ZNF804A: variants seen among roughly 807,000 people sequenced by gnomAD.
ZNF804A encodes the protein zinc finger protein 804A.
Under a neutral mutation model 16.5 loss-of-function variants are expected in ZNF804A, and 2 were observed. That is an observed-to-expected ratio of 0.12 (90% CI 0.05 to 0.38). The LOEUF is 0.38. ZNF804A is among the 10% of genes least tolerant of loss of function. The pLI is 0.99. For synonymous variants in ZNF804A, 534 were observed against 489.6 expected (o/e 1.09, Z -1.20); for missense variants, 1,473 against 1,390.7 (o/e 1.06, Z -0.94).
rs1408864620 is a variant in ZNF804A, at chr2:184,598,857, G to C, written c.-103G>C. ...GTGCCGGGGGTGGCTGCGTGCCCTC[G>C]TGGCGGGTTCCCAGCCCACCGTCGC... On this transcript the variant is annotated 5_prime_UTR_variant, in exon 1 of 4. Coordinates refer to ENST00000302277, the MANE Select transcript of ZNF804A (RefSeq NM_194250.2). 3 of 598,528 alleles carry C rather than the reference G, an allele frequency of 5.0e-6. No homozygotes were observed. In the African/African-American group the frequency reaches 6.0e-5, roughly 12 times the overall value. 37.1% of individuals were successfully genotyped at this position (598,528 alleles called of 1,614,324 possible).
chr2:184,829,941 A>AAAAAAAAAAAAAAAAAAAAAAC (rs1558975002), intron 1 of ZNF804A, among the ~76,000 whole-genome samples: 1 of 146,082 alleles, frequency 6.8e-6, no homozygotes. Flanking sequence ...AAAAAAAAAA[A>AAAAAAAAAAAAAAAAAAAAAAC]ACCACACACA....
intron 1 of ZNF804A, among the ~76,000 whole-genome samples, chr2:184,652,328 T>C (rs1691999610): frequency 6.6e-6 from 1 of 152,128 alleles, no homozygotes; most frequent in Non-Finnish European, 1.5e-5. Flanking sequence ...AAGCTACCTA[T>C]TGGGTACTAT....
At chr2:184,726,406 T>C (rs949752301) in intron 1 of ZNF804A, among the ~76,000 whole-genome samples, 3 of 151,580 alleles carry the variant, frequency 2.0e-5, no homozygotes, top group African/African-American at 4.8e-5. Flanking sequence ...TCTGAATAGG[T>C]AAAAATACCT....
chr2:184,872,240 A>G (rs1695985944), intron 2 of ZNF804A, among the ~76,000 whole-genome samples: 1 of 152,172 alleles, frequency 6.6e-6, no homozygotes, highest in Non-Finnish European at 1.5e-5. Flanking sequence ...ATGAAGAAAC[A>G]TCAGTCTTTG....
chr2:184,737,009 T>A (rs1476586444), intron 1 of ZNF804A, among the ~76,000 whole-genome samples: 1 of 151,980 alleles, frequency 6.6e-6, no homozygotes, highest in Non-Finnish European at 1.5e-5. Context: ...GTAGATGTTG[T>A]TACTTATATC....
chr2:184,891,529 A>C (rs773382477), intron 2 of ZNF804A, among the ~76,000 whole-genome samples: 2 of 152,082 alleles, frequency 1.3e-5, no homozygotes, highest in African/African-American at 4.8e-5. Flanking sequence ...AAAACTCAAC[A>C]TGTCTATTTG....
intron 1 of ZNF804A, among the ~76,000 whole-genome samples, chr2:184,805,705 A>G (rs907374179): frequency 6.6e-6 from 1 of 152,056 alleles, no homozygotes; most frequent in African/African-American, 2.4e-5. Context: ...AAACTTAAAA[A>G]CTAGAAGCCA....
intron 1 of ZNF804A, among the ~76,000 whole-genome samples, chr2:184,663,904 A>G (rs1692218417): frequency 6.6e-6 from 1 of 152,230 alleles, no homozygotes; most frequent in African/African-American, 2.4e-5. Context: ...TTCAAAAAGC[A>G]GAGCAAATGA....
At chr2:184,931,564 G>T (rs1304057096) in intron 2 of ZNF804A, among the ~76,000 whole-genome samples, 1 of 152,190 alleles carries the variant, frequency 6.6e-6, no homozygotes, top group Non-Finnish European at 1.5e-5. Context: ...TGCACAAAGT[G>T]GCAAGGCTCT....
rs190636978 is a variant in ZNF804A at position 184,726,598 on chromosome 2, A to C, written c.111+127528A>C. On this transcript the variant is annotated intron_variant, in intron 1 of 3. Coordinates refer to ENST00000302277, the MANE Select transcript of ZNF804A (RefSeq NM_194250.2). The stretch of plus-strand genomic sequence containing the variant: ...AATTGTCATGAGAAAATAAATAATT[A>C]CATAAATGCATTTCACGTATATCAG... Among the ~76,000 whole-genome samples, 371 of 151,750 alleles carry C rather than the reference A, an allele frequency of 2.4e-3. 2 individuals are homozygous for C. The highest frequency in any genetic ancestry group is 3.6e-3 in the Non-Finnish European group (245 of 67,668).
At chr2:184,663,890 A>G (rs1692218320) in intron 1 of ZNF804A, among the ~76,000 whole-genome samples, 1 of 152,236 alleles carries the variant, frequency 6.6e-6, no homozygotes, top group Admixed American at 6.5e-5. Context: ...TTAATTCAAC[A>G]GTTTTCAAAA....
chr2:184,651,936 C>T (rs1025657186), intron 1 of ZNF804A, among the ~76,000 whole-genome samples: 1 of 152,094 alleles, frequency 6.6e-6, no homozygotes, highest in African/African-American at 2.4e-5. Context: ...AATCTCATTA[C>T]TGGATGTATA....
At chr2:184,754,697 C>A (rs1312920247) in intron 1 of ZNF804A, among the ~76,000 whole-genome samples, 1 of 151,564 alleles carries the variant, frequency 6.6e-6, no homozygotes, top group Non-Finnish European at 1.5e-5. Flanking sequence ...GCAGTGTTAT[C>A]TGTATTTATT....
At chr2:184,817,003 C>T (rs17584522) in intron 1 of ZNF804A, among the ~76,000 whole-genome samples, 6 of 151,616 alleles carry the variant, frequency 4.0e-5, no homozygotes, top group Admixed American at 2.0e-4. Flanking sequence ...CAGATCAGTA[C>T]GTTATTAATA....
intron 2 of ZNF804A, among the ~76,000 whole-genome samples, chr2:184,933,032 T>G (rs1685727109): frequency 6.6e-6 from 1 of 152,034 alleles, no homozygotes; most frequent in Non-Finnish European, 1.5e-5. Flanking sequence ...TCTTATGGAT[T>G]AACATAAATA....
chr2:184,610,877 A>G (rs189608773), intron 1 of ZNF804A, among the ~76,000 whole-genome samples: 5 of 152,360 alleles, frequency 3.3e-5, no homozygotes, highest in Admixed American at 1.3e-4. Context: ...TAGATAAAAG[A>G]TATGATAATA....
intron 2 of ZNF804A, among the ~76,000 whole-genome samples, chr2:184,932,432 A>G (rs13025111): frequency 0.47 from 71,972 of 152,032 alleles, 20,656 homozygotes; most frequent in East Asian, 0.82. Flanking sequence ...CAGGAAAGAG[A>G]GCATGTGCAA....
At chr2:184,901,877 TTA>T (rs1685186894) in intron 2 of ZNF804A, among the ~76,000 whole-genome samples, 2 of 151,956 alleles carry the variant, frequency 1.3e-5, no homozygotes, top group Admixed American at 6.6e-5. Context: ...CCATATGTAT[TTA>T]TATATATGAG....
At position 184,867,411 on chromosome 2, in the gene ZNF804A, A is replaced by G. The variant is rs140007057; in HGVS notation, c.255+899A>G. Among the ~76,000 whole-genome samples, 287 of 152,216 alleles carry G rather than the reference A, an allele frequency of 1.9e-3. 3 individuals carry two copies. The East Asian group carries it at 0.03, about 16-fold the overall frequency. On this transcript the variant is annotated intron_variant, in intron 2 of 3. Coordinates refer to ENST00000302277, the MANE Select transcript of ZNF804A (RefSeq NM_194250.2). ...ACTTTCTGTTATATCAGAGTTATTTATTGTAAGAAAGAAAAAGTAGGGAAA... is the reference window on the plus strand; with the variant it reads ...ACTTTCTGTTATATCAGAGTTATTTGTTGTAAGAAAGAAAAAGTAGGGAAA...
Sources: gnomAD v4.1 joint callset for allele counts (sites outside exome capture counted in the v4.1 genomes callset) on GRCh38, gnomAD v4.1.1 for gene constraint, MANE v1.5 for transcripts, NCBI Gene and HGNC (gene_info 2026-07-23, HGNC 2026-07-21) for gene names.